Variants in TTC17 observed in about 807,000 individuals in gnomAD.
The protein encoded by TTC17 is tetratricopeptide repeat domain 17.
A neutral mutation model predicts 143.8 loss-of-function variants in TTC17; 58 were observed. The observed-to-expected ratio is 0.40, with a 90% CI of 0.33 to 0.50. The LOEUF (loss-of-function observed/expected upper bound fraction) is 0.50. TTC17 is among the 20% of genes least tolerant of loss of function. The pLI is 0.49. For missense variants in TTC17, 1,273 were observed against 1,392.5 expected, an observed-to-expected ratio of 0.91 and a Z score of 1.37; for synonymous variants, 501 against 497.8, an observed-to-expected ratio of 1.01 and a Z score of -0.09.
intron 21 of TTC17, among the ~76,000 whole-genome samples, chr11:43,461,314 G>A (rs1947861527): frequency 6.6e-6 from 1 of 150,948 alleles, no homozygotes; most frequent in Non-Finnish European, 1.5e-5. Flanking sequence ...AACCCGGGAA[G>A]CGGAGCTTGC....
intron 16 of TTC17, among the ~76,000 whole-genome samples, chr11:43,437,107 CTT>C (rs76041361): frequency 6.8e-6 from 1 of 147,078 alleles, no homozygotes. Context: ...CTTATTTCTA[CTT>C]TTTTTTTTTA....
intron 17 of TTC17, 52 bp downstream of exon 17, chr11:43,443,636 G>A (rs778987105): frequency 2.3e-5 from 36 of 1,557,336 alleles, no homozygotes; most frequent in Non-Finnish European, 3.0e-5. Flanking sequence ...CCTTTCAGGG[G>A]ATCCTAATAT....
chr11:43,366,886 G>A (rs964417199), intron 1 of TTC17, among the ~76,000 whole-genome samples: 6 of 152,086 alleles, frequency 3.9e-5, no homozygotes, highest in African/African-American at 1.2e-4. Context: ...CTGGGCCTTT[G>A]CATATGTTGT....
intron 10 of TTC17, 70 bp from the exon 11 acceptor site, chr11:43,403,928 G>T: frequency 1.5e-6 from 2 of 1,349,200 alleles, no homozygotes; most frequent in Non-Finnish European, 9.9e-7. Context: ...CTTTTTTGGT[G>T]TGAGTTAAAT....
chr11:43,434,168 G>GACACAC (rs55913890), intron 16 of TTC17, among the ~76,000 whole-genome samples: 177 of 125,532 alleles, frequency 1.4e-3, no homozygotes, highest in African/African-American at 3.0e-3. Flanking sequence ...CATGGGCGGG[G>GACACAC]ACACACACAC....
At chr11:43,429,280 C>T (rs1232897426) in intron 16 of TTC17, among the ~76,000 whole-genome samples, 1 of 152,144 alleles carries the variant, frequency 6.6e-6, no homozygotes, top group African/African-American at 2.4e-5. Flanking sequence ...ATTGATTTGC[C>T]CAAGTTTGTA....
intron 1 of TTC17, among the ~76,000 whole-genome samples, chr11:43,369,758 A>G (rs1856491234): frequency 6.6e-6 from 1 of 152,024 alleles, no homozygotes; most frequent in Non-Finnish European, 1.5e-5. Context: ...CTGGGACTAC[A>G]GGCACACGCC....
intron 21 of TTC17, among the ~76,000 whole-genome samples, chr11:43,473,435 T>C (rs1948127448): frequency 6.6e-6 from 1 of 152,236 alleles, no homozygotes; most frequent in Non-Finnish European, 1.5e-5. Context: ...TCTATGCTTC[T>C]ATCTCAAAAA....
rs946151324 is a variant in TTC17, at chr11:43,407,350, C to T, written c.1840-3C>T. The T allele has an allele frequency of 6.2e-7, 1 of 1,610,948 alleles. No individual in the cohort carries two copies. The highest frequency in any genetic ancestry group is 8.5e-7 in the Non-Finnish European group (1 of 1,178,580). ...CTAACTGAAGTATTTTTGGATTTTTCAGCCAAATGCTCCTATCTGGCTCAT... is the reference window on the plus strand; with the variant it reads ...CTAACTGAAGTATTTTTGGATTTTTTAGCCAAATGCTCCTATCTGGCTCAT... On this transcript the variant is annotated splice_region_variant and splice_polypyrimidine_tract_variant and intron_variant, in intron 14 of 23. Coordinates refer to ENST00000039989, the MANE Select transcript of TTC17 (RefSeq NM_018259.6).
intron 13 of TTC17, among the ~76,000 whole-genome samples, chr11:43,406,701 A>G (rs1038521009): frequency 3.3e-5 from 5 of 152,172 alleles, no homozygotes; most frequent in African/African-American, 1.2e-4. Flanking sequence ...TAAACAGACC[A>G]TGATCTGTGC....
intron 2 of TTC17, among the ~76,000 whole-genome samples, chr11:43,384,763 T>C (rs1857110320): frequency 6.6e-6 from 1 of 152,262 alleles, no homozygotes; most frequent in Non-Finnish European, 1.5e-5. Context: ...TACATTAATA[T>C]TTCTTTAGTG....
chr11:43,440,948 T>A (rs1947403821), intron 16 of TTC17, among the ~76,000 whole-genome samples: 1 of 151,270 alleles, frequency 6.6e-6, no homozygotes, highest in African/African-American at 2.4e-5. Flanking sequence ...AATGAGTCTA[T>A]GCATACATGC....
intron 2 of TTC17, among the ~76,000 whole-genome samples, chr11:43,387,064 A>G (rs922755098): frequency 3.3e-5 from 5 of 152,308 alleles, no homozygotes; most frequent in African/African-American, 9.6e-5. Context: ...GATTATAGGC[A>G]CAAGCCACCA....
intron 21 of TTC17, among the ~76,000 whole-genome samples, chr11:43,489,545 C>G (rs972730615): frequency 6.6e-6 from 1 of 152,120 alleles, no homozygotes; most frequent in Admixed American, 6.6e-5. Flanking sequence ...CGAGACCAGC[C>G]TGGCCAACAT....
At chr11:43,441,755 C>G (rs1388283267) in intron 16 of TTC17, among the ~76,000 whole-genome samples, 1 of 152,174 alleles carries the variant, frequency 6.6e-6, no homozygotes, top group Admixed American at 6.5e-5. Context: ...TCAGCAAGCT[C>G]CATATTCTCT....
chr11:43,456,086 ATATAAT>A (rs140649807), intron 21 of TTC17, among the ~76,000 whole-genome samples: 16 of 152,302 alleles, frequency 1.1e-4, no homozygotes, highest in Admixed American at 7.8e-4. Flanking sequence ...GGAAAAAATC[ATATAAT>A]TATATCCAGA....
chr11:43,487,979 T>C (rs553344173), intron 21 of TTC17, among the ~76,000 whole-genome samples: 1 of 152,294 alleles, frequency 6.6e-6, no homozygotes, highest in African/African-American at 2.4e-5. Context: ...AACTTAATCA[T>C]TGCTTTAAAG....
chr11:43,487,770 T>C (rs1948405949), intron 21 of TTC17, among the ~76,000 whole-genome samples: 1 of 152,236 alleles, frequency 6.6e-6, no homozygotes, highest in Non-Finnish European at 1.5e-5. Flanking sequence ...GTCTGGGGGC[T>C]GGAAGCCTGA....
chr11:43,475,067 G>GA (rs1389153898), intron 21 of TTC17, among the ~76,000 whole-genome samples: 2 of 151,980 alleles, frequency 1.3e-5, no homozygotes, highest in Admixed American at 1.3e-4. Context: ...GTCTTTTATT[G>GA]AAAAAAATCC....
Sources: allele counts gnomAD v4.1 joint callset (sites outside exome capture counted in the v4.1 genomes callset), GRCh38; gene constraint gnomAD v4.1.1; transcripts MANE v1.5; gene names NCBI Gene and HGNC (gene_info 2026-07-23, HGNC 2026-07-21).